The following LRRC4C variants were observed in gnomAD, a reference collection of about 807,000 sequenced individuals.
The protein encoded by LRRC4C is leucine-rich repeat-containing protein 4C.
A neutral mutation model predicts 33.6 loss-of-function variants in LRRC4C; 5 were observed. That is an observed-to-expected ratio of 0.15 (90% CI 0.08 to 0.31). The LOEUF is 0.31. LRRC4C is among the 10% of genes least tolerant of loss of function. The pLI is 1.00. For missense variants in LRRC4C, 560 were observed against 796.7 expected, an observed-to-expected ratio of 0.70 and a Z score of 3.58; for synonymous variants, 329 against 302.0, an observed-to-expected ratio of 1.09 and a Z score of -0.93.
At chr11:40,767,966 GAAAT>G (rs914649942) in intron 2 of LRRC4C, among the ~76,000 whole-genome samples, 1 of 151,584 alleles carries the variant, frequency 6.6e-6, no homozygotes, top group African/African-American at 2.4e-5. Flanking sequence ...AGAAAAAAAA[GAAAT>G]AAAATGATAA....
At chr11:41,371,950 A>G (rs1231713316) in intron 1 of LRRC4C, among the ~76,000 whole-genome samples, 1 of 152,218 alleles carries the variant, frequency 6.6e-6, no homozygotes, top group Non-Finnish European at 1.5e-5. Flanking sequence ...CCTGGCTAAC[A>G]TGGTGAAACC....
At chr11:41,323,233 T>A (rs567708314) in intron 1 of LRRC4C, among the ~76,000 whole-genome samples, 3 of 152,258 alleles carry the variant, frequency 2.0e-5, no homozygotes, top group African/African-American at 7.2e-5. Context: ...GAATGTTACA[T>A]CAGTATTGAT....
intron 4 of LRRC4C, among the ~76,000 whole-genome samples, chr11:40,299,264 T>A (rs1178129941): frequency 2.0e-5 from 3 of 152,208 alleles, no homozygotes; most frequent in Non-Finnish European, 4.4e-5. Flanking sequence ...TCACCTTTAC[T>A]TTCCTGATAG....
intron 1 of LRRC4C, among the ~76,000 whole-genome samples, chr11:41,153,874 C>T (rs1457449396): frequency 6.6e-6 from 1 of 152,054 alleles, no homozygotes; most frequent in East Asian, 1.9e-4. Context: ...CTCTAAATAG[C>T]ATGACAAGTG....
intron 1 of LRRC4C, among the ~76,000 whole-genome samples, chr11:41,453,601 CTTTG>C (rs1482411747): frequency 6.6e-6 from 1 of 151,736 alleles, no homozygotes; most frequent in Non-Finnish European, 1.5e-5. Context: ...CAAATAAATC[CTTTG>C]TTTGCCTTAT....
At chr11:41,069,331 C>T (rs1258087550) in intron 1 of LRRC4C, among the ~76,000 whole-genome samples, 1 of 152,162 alleles carries the variant, frequency 6.6e-6, no homozygotes, top group Non-Finnish European at 1.5e-5. Flanking sequence ...TGGGCAAAAG[C>T]TGGAACCATT....
chr11:40,359,032 T>G (rs1191041730), intron 3 of LRRC4C, among the ~76,000 whole-genome samples: 1 of 152,138 alleles, frequency 6.6e-6, no homozygotes, highest in Admixed American at 6.6e-5. Flanking sequence ...TTAATCTCCT[T>G]CTGTTTAACA....
chr11:40,477,944 C>T (rs1325685906), intron 3 of LRRC4C, among the ~76,000 whole-genome samples: 1 of 152,166 alleles, frequency 6.6e-6, no homozygotes, highest in Non-Finnish European at 1.5e-5. Context: ...GTTCTCATGA[C>T]AGTCAGTAAG....
intron 3 of LRRC4C, among the ~76,000 whole-genome samples, chr11:40,538,006 T>A (rs1311743381): frequency 6.6e-6 from 1 of 152,162 alleles, no homozygotes; most frequent in African/African-American, 2.4e-5. Context: ...ATTCCCCCAG[T>A]GACTTGCAGC....
At chr11:41,075,014 C>CTT (rs869112602) in intron 1 of LRRC4C, among the ~76,000 whole-genome samples, 1 of 101,022 alleles carries the variant, frequency 9.9e-6, no homozygotes, top group Non-Finnish European at 2.3e-5. Flanking sequence ...CTTCAATTTT[C>CTT]TTTTTTTTTT....
intron 4 of LRRC4C, among the ~76,000 whole-genome samples, chr11:40,309,252 A>G (rs972853108): frequency 1.3e-5 from 2 of 151,900 alleles, no homozygotes; most frequent in African/African-American, 2.4e-5. Context: ...ATTCAAATTG[A>G]TATATATATC....
At chr11:40,339,980 G>A (rs1011090606) in intron 3 of LRRC4C, among the ~76,000 whole-genome samples, 1 of 152,134 alleles carries the variant, frequency 6.6e-6, no homozygotes, top group African/African-American at 2.4e-5. Flanking sequence ...TCTAAAGATT[G>A]TGTGGGTGTA....
At chr11:40,614,581 T>C (rs974547651) in intron 3 of LRRC4C, among the ~76,000 whole-genome samples, 1 of 151,714 alleles carries the variant, frequency 6.6e-6, no homozygotes, top group Non-Finnish European at 1.5e-5. Flanking sequence ...TTTTTTTCTA[T>C]TTATGATGTG....
At chr11:41,276,172 C>A (rs575569274) in intron 1 of LRRC4C, among the ~76,000 whole-genome samples, 10 of 152,242 alleles carry the variant, frequency 6.6e-5, no homozygotes, top group Admixed American at 5.2e-4. Context: ...GACTAAAAGA[C>A]CTAATTACAA....
At chr11:41,151,747 A>T (rs1343138130) in intron 1 of LRRC4C, among the ~76,000 whole-genome samples, 2 of 152,236 alleles carry the variant, frequency 1.3e-5, no homozygotes, top group East Asian at 1.9e-4. Context: ...TCACTAAAAA[A>T]GATGGCCAAC....
intron 1 of LRRC4C, among the ~76,000 whole-genome samples, chr11:41,150,540 C>G (rs1406670345): frequency 1.3e-5 from 2 of 151,964 alleles, no homozygotes; most frequent in Non-Finnish European, 2.9e-5. Flanking sequence ...GCCTGTAATC[C>G]CAGCACTTTG....
chr11:40,359,443 T>C (rs1360283903), intron 3 of LRRC4C, among the ~76,000 whole-genome samples: 1 of 152,206 alleles, frequency 6.6e-6, no homozygotes, highest in Non-Finnish European at 1.5e-5. Flanking sequence ...CATCCATTAT[T>C]TGTAATGAAA....
intron 1 of LRRC4C, among the ~76,000 whole-genome samples, chr11:41,154,576 G>A (rs1377844733): frequency 6.6e-6 from 1 of 152,104 alleles, no homozygotes; most frequent in African/African-American, 2.4e-5. Flanking sequence ...GATTTTGCAT[G>A]TCATTCAAAT....
chr11:40,678,152 T>G (rs1944500637), intron 2 of LRRC4C, among the ~76,000 whole-genome samples: 1 of 151,992 alleles, frequency 6.6e-6, no homozygotes, highest in Non-Finnish European at 1.5e-5. Flanking sequence ...TTTCAACTTT[T>G]ATTTTAGAAT....
Sources: allele counts gnomAD v4.1 joint callset (sites outside exome capture counted in the v4.1 genomes callset), GRCh38; gene constraint gnomAD v4.1.1; transcripts MANE v1.5; gene names NCBI Gene and HGNC (gene_info 2026-07-23, HGNC 2026-07-21).